TRDN: variants seen among roughly 807,000 people sequenced by gnomAD.
TRDN encodes triadin in skeletal muscle.
A neutral mutation model predicts 149.7 loss-of-function variants in TRDN; 161 were observed. That is an observed-to-expected ratio of 1.08 (90% CI 0.95 to 1.23). TRDN has a LOEUF of 1.23. TRDN is among the 50% of genes most tolerant of loss of function. TRDN has a pLI of 0.00. For synonymous variants in TRDN, 294 were observed against 250.5 expected, an observed-to-expected ratio of 1.17 and a Z score of -1.64; for missense variants, 896 against 823.5, an observed-to-expected ratio of 1.09 and a Z score of -1.08.
chr6:123,407,439 G>A (rs1773241237), intron 12 of TRDN, among the ~76,000 whole-genome samples: 1 of 152,048 alleles, frequency 6.6e-6, no homozygotes. Context: ...TCCTCGTAGT[G>A]CAATTGTTTT....
intron 1 of TRDN, among the ~76,000 whole-genome samples, chr6:123,621,880 G>C (rs749328668): frequency 6.6e-6 from 1 of 152,124 alleles, no homozygotes; most frequent in Non-Finnish European, 1.5e-5. Flanking sequence ...ATGAATATGG[G>C]CTTCCCATGT....
At chr6:123,321,261 G>C (rs952030024) in intron 23 of TRDN, among the ~76,000 whole-genome samples, 3 of 152,030 alleles carry the variant, frequency 2.0e-5, no homozygotes, top group African/African-American at 7.2e-5. Context: ...GAAGTACTTC[G>C]AATGGTGCCA....
chr6:123,433,103 T>C (rs1774398706), intron 12 of TRDN, among the ~76,000 whole-genome samples: 1 of 142,846 alleles, frequency 7.0e-6, no homozygotes. Context: ...ATATTCTGAC[T>C]CCTAGTACAA....
intron 21 of TRDN, among the ~76,000 whole-genome samples, chr6:123,348,475 T>A (rs9401663): frequency 6.6e-6 from 1 of 151,808 alleles, no homozygotes; most frequent in Admixed American, 6.6e-5. Context: ...AAGTAATTGA[T>A]GATAAGGAAC....
intron 1 of TRDN, among the ~76,000 whole-genome samples, chr6:123,581,849 T>C (rs939087563): frequency 6.6e-6 from 1 of 152,182 alleles, no homozygotes; most frequent in African/African-American, 2.4e-5. Flanking sequence ...AAGGAGACAA[T>C]TTCAGATGTT....
chr6:123,236,826 T>C (rs1775805940), intron 38 of TRDN, among the ~76,000 whole-genome samples: 1 of 152,116 alleles, frequency 6.6e-6, no homozygotes, highest in African/African-American at 2.4e-5. Context: ...CCCATACTCT[T>C]GTGATTACTG....
intron 32 of TRDN, among the ~76,000 whole-genome samples, chr6:123,267,475 A>G (rs1167843961): frequency 6.6e-6 from 1 of 152,084 alleles, no homozygotes; most frequent in Non-Finnish European, 1.5e-5. Context: ...GAATCATAAA[A>G]TCAAATCTAA....
rs570873488 is a variant in TRDN, at chr6:123,525,206, C to CT, written c.484+5299dup. Among the ~76,000 whole-genome samples, 15 of 152,032 alleles carry CT rather than the reference C, an allele frequency of 9.9e-5. 1 individual carries two copies. The East Asian group carries it at 2.9e-3, about 29-fold the overall frequency. The stretch of plus-strand genomic sequence containing the variant: ...ACCCAGCAATGCCACTATGAGGTAT[C>CT]TGCTCAAATGAAAAAAAATCATTAT... On this transcript the variant is annotated intron_variant, in intron 5 of 40. Coordinates refer to ENST00000334268, the MANE Select transcript of TRDN (RefSeq NM_006073.4).
intron 24 of TRDN, among the ~76,000 whole-genome samples, chr6:123,290,128 G>A (rs1425157621): frequency 2.6e-5 from 4 of 152,030 alleles, no homozygotes; most frequent in South Asian, 4.1e-4. Flanking sequence ...TAGGGACTCC[G>A]GGATAGTCCC....
intron 4 of TRDN, 142 bp downstream of exon 4, chr6:123,547,198 A>AT (rs1025626677): frequency 9.3e-5 from 49 of 525,890 alleles, no homozygotes; most frequent in Admixed American, 7.2e-4. Flanking sequence ...GAAATTGAGT[A>AT]TTTTTTTTCT....
At chr6:123,235,540 G>C (rs1213079607) in intron 38 of TRDN, among the ~76,000 whole-genome samples, 1 of 152,074 alleles carries the variant, frequency 6.6e-6, no homozygotes, top group South Asian at 2.1e-4. Context: ...AGTTTTGTAC[G>C]TTATTAATTT....
chr6:123,401,045 T>C (rs1056284056), intron 12 of TRDN, among the ~76,000 whole-genome samples: 13 of 152,262 alleles, frequency 8.5e-5, no homozygotes, highest in Middle Eastern at 3.4e-3. Flanking sequence ...TGAATAATGA[T>C]TGGGAGACAA....
chr6:123,264,991 A>G (rs989270470), intron 33 of TRDN, among the ~76,000 whole-genome samples: 1 of 152,006 alleles, frequency 6.6e-6, no homozygotes, highest in Non-Finnish European at 1.5e-5. Context: ...TCTGAATGAA[A>G]CCTGCAATAC....
chr6:123,534,233 AG>A (rs897236113), intron 4 of TRDN, among the ~76,000 whole-genome samples: 1 of 152,224 alleles, frequency 6.6e-6, no homozygotes, highest in Non-Finnish European at 1.5e-5. Context: ...ATATTTCTAC[AG>A]AGGCAAGCAT....
At chr6:123,517,446 C>T (rs1166683107) in intron 5 of TRDN, among the ~76,000 whole-genome samples, 1 of 152,014 alleles carries the variant, frequency 6.6e-6, no homozygotes, top group African/African-American at 2.4e-5. Context: ...AATTCGATAT[C>T]ATTGACTCCT....
At chr6:123,331,963 A>G (rs777487559) in intron 22 of TRDN, 34 bp from the exon 23 acceptor site, 12 of 1,490,932 alleles carry the variant, frequency 8.0e-6, no homozygotes, top group Non-Finnish European at 1.1e-5. Flanking sequence ...ATTTGAAGCC[A>G]AGACAAAGAG....
intron 6 of TRDN, among the ~76,000 whole-genome samples, chr6:123,514,006 A>G (rs1779302481): frequency 6.6e-6 from 1 of 152,166 alleles, no homozygotes; most frequent in Non-Finnish European, 1.5e-5. Context: ...TTAAGTTAGA[A>G]TCTTACTTCG....
At chr6:123,473,478 T>C (rs1241984304) in intron 9 of TRDN, among the ~76,000 whole-genome samples, 1 of 151,872 alleles carries the variant, frequency 6.6e-6, no homozygotes, top group Non-Finnish European at 1.5e-5. Flanking sequence ...TTGGTGTACC[T>C]GAAAGTGATG....
intron 10 of TRDN, among the ~76,000 whole-genome samples, chr6:123,459,737 A>G (rs1776342442): frequency 1.3e-5 from 2 of 152,212 alleles, no homozygotes; most frequent in South Asian, 2.1e-4. Context: ...ATGCCATTCA[A>G]TTAACCAAAT....
Sources: allele counts gnomAD v4.1 joint callset (sites outside exome capture counted in the v4.1 genomes callset), GRCh38; gene constraint gnomAD v4.1.1; transcripts MANE v1.5; gene names NCBI Gene and HGNC (gene_info 2026-07-23, HGNC 2026-07-21).